Variants in CSMD1 observed in about 807,000 individuals in gnomAD.
CSMD1 encodes CUB and sushi domain-containing protein 1.
In CSMD1, 213 loss-of-function variants were observed where a neutral mutation model predicts 417.5. That is an observed-to-expected ratio of 0.51 (90% CI 0.46 to 0.57). CSMD1 has a LOEUF of 0.57. Among genes scored for constraint, CSMD1 ranks in the 20% least tolerant of loss-of-function variants. The probability of loss-of-function intolerance (pLI) is 0.00; values close to 1 mark genes in which losing one functional copy is unlikely to be tolerated. For missense variants in CSMD1, 6,923 were observed against 4,529.7 expected (o/e 1.53, Z -15.17); for synonymous variants, 2,862 against 1,736.8 (o/e 1.65, Z -16.11).
At chr8:3,685,830 C>T (rs919965208) in intron 7 of CSMD1, among the ~76,000 whole-genome samples, 2 of 152,020 alleles carry the variant, frequency 1.3e-5, no homozygotes, top group African/African-American at 2.4e-5. Context: ...TTGACACAGG[C>T]ATGCGACGTA....
At chr8:3,845,619 G>A (rs1401599515) in intron 5 of CSMD1, among the ~76,000 whole-genome samples, 3 of 152,126 alleles carry the variant, frequency 2.0e-5, no homozygotes. Flanking sequence ...TATAAATGCA[G>A]TGTACTTAGG....
In CSMD1 at chr8:4,358,853, T is replaced by C. The variant is rs548343315; in HGVS notation, c.415+61100A>G. Among the ~76,000 whole-genome samples, 9 of 152,178 alleles carry C rather than the reference T, an allele frequency of 5.9e-5. No homozygotes were observed. The East Asian group carries it at 1.7e-3, about 29-fold the overall frequency. ...CCTTGGTTTCAGTGCTCAAATAACT[T>C]TTAAACACGGTTTTACCAATAATCA... is the stretch of plus-strand genomic sequence containing the variant. On this transcript the variant is annotated intron_variant, in intron 3 of 69. Transcript: ENST00000635120.
At chr8:2,943,017 T>C (rs1801995500) in intron 68 of CSMD1, among the ~76,000 whole-genome samples, 1 of 152,206 alleles carries the variant, frequency 6.6e-6, no homozygotes, top group Non-Finnish European at 1.5e-5. Context: ...ATTGAAATTA[T>C]GTAAATATCC....
intron 4 of CSMD1, among the ~76,000 whole-genome samples, chr8:3,998,568 TG>T (rs1257101827): frequency 1.3e-5 from 2 of 152,214 alleles, no homozygotes; most frequent in African/African-American, 2.4e-5. Flanking sequence ...TCCATAAATT[TG>T]GGATTAATTT....
intron 3 of CSMD1, among the ~76,000 whole-genome samples, chr8:4,185,821 A>T (rs4083034): frequency 0.83 from 127,016 of 152,176 alleles, 53,210 homozygotes; most frequent in South Asian, 0.94. Context: ...AGAGTCAGAA[A>T]GTGCCCTGCA....
chr8:3,605,011 C>G (rs577673937), intron 8 of CSMD1, among the ~76,000 whole-genome samples: 2 of 152,062 alleles, frequency 1.3e-5, no homozygotes, highest in African/African-American at 4.8e-5. Flanking sequence ...GAAAGCAGTT[C>G]TTTTGTTTTT....
chr8:4,059,193 C>T (rs191404735), intron 3 of CSMD1, among the ~76,000 whole-genome samples: 28 of 152,274 alleles, frequency 1.8e-4, no homozygotes, highest in Admixed American at 5.2e-4. Flanking sequence ...TGAATGACTA[C>T]TGGGTACATA....
intron 4 of CSMD1, among the ~76,000 whole-genome samples, chr8:4,006,431 C>T (rs1474533589): frequency 6.6e-6 from 1 of 152,150 alleles, no homozygotes; most frequent in Non-Finnish European, 1.5e-5. Flanking sequence ...GTAATTCCAG[C>T]TTCTTGGGAG....
In CSMD1 at chr8:3,190,076, G is replaced by A; in HGVS notation, c.5234C>T (p.Pro1745Leu). 1.9e-6 allele frequency: 3 copies of A among 1,595,262 alleles called. No individual in the cohort carries two copies. Among genetic ancestry groups the A allele is most frequent in the Non-Finnish European group, 2.6e-6 (3 of 1,170,986 alleles). ...AATTCTCCTTCCGTATCTGGGCTCG[G>A]GGACAGAGCTGCATTGGGTGTCACT... ...RTSDTQCSSV[P>L]EPRYGRRIGS... The change falls in exon 34 of 70, where the codon CCC becomes CTC. Residue 1745 changes from proline to leucine, a missense_variant. Pro to Leu is a moderately conservative substitution (Grantham distance 98). Coordinates refer to ENST00000635120, the MANE Select transcript of CSMD1 (RefSeq NM_033225.6).
At position 2,981,312 on chromosome 8, in the gene CSMD1, C is replaced by G. The variant is rs1375006194; in HGVS notation, c.8378-2512G>C. On this transcript the variant is annotated intron_variant, in intron 54 of 69. Transcript: ENST00000635120. ...ATGTGAACAATTCCTATCCAGGGAT[C>G]TGATGGAAAGAGGCTTATGTGAGTG... 3.3e-5 allele frequency among the ~76,000 whole-genome samples: 5 copies of G among 152,172 alleles called. No homozygotes were observed. The East Asian group carries it at 9.6e-4, about 29-fold the overall frequency.
chr8:3,709,614 A>T (rs1801380814), intron 6 of CSMD1, among the ~76,000 whole-genome samples: 1 of 148,892 alleles, frequency 6.7e-6, no homozygotes, highest in South Asian at 2.1e-4. Context: ...ATAGAACAAA[A>T]GGCTGATCTG....
At chr8:3,463,943 A>G (rs555989423) in intron 12 of CSMD1, among the ~76,000 whole-genome samples, 1 of 152,214 alleles carries the variant, frequency 6.6e-6, no homozygotes, top group African/African-American at 2.4e-5. Flanking sequence ...ACAAATTTCC[A>G]TTCTCTTATT....
chr8:3,085,584 T>C (rs1201423607), intron 49 of CSMD1, among the ~76,000 whole-genome samples: 2 of 152,222 alleles, frequency 1.3e-5, no homozygotes, highest in East Asian at 1.9e-4. Flanking sequence ...GCTGTAAAGA[T>C]GTCAGAAGAG....
intron 1 of CSMD1, among the ~76,000 whole-genome samples, chr8:4,979,805 A>C (rs1473055329): frequency 6.6e-6 from 1 of 152,194 alleles, no homozygotes; most frequent in Non-Finnish European, 1.5e-5. Context: ...TGGGAGGCTG[A>C]AGCGGGTGGA....
chr8:3,503,250 C>G (rs1420730770), intron 10 of CSMD1, among the ~76,000 whole-genome samples: 2 of 152,162 alleles, frequency 1.3e-5, no homozygotes, highest in Non-Finnish European at 2.9e-5. Context: ...GATATCCTTG[C>G]TTTATCTGAG....
chr8:4,224,650 A>G (rs970030110), intron 3 of CSMD1, among the ~76,000 whole-genome samples: 2 of 152,168 alleles, frequency 1.3e-5, no homozygotes, highest in African/African-American at 2.4e-5. Flanking sequence ...GAAGAGGGAG[A>G]TAAGTGGATA....
At chr8:4,165,924 G>C (rs997570049) in intron 3 of CSMD1, among the ~76,000 whole-genome samples, 69 of 152,234 alleles carry the variant, frequency 4.5e-4, no homozygotes, top group African/African-American at 1.6e-3. Context: ...ATATATACTG[G>C]ATAAACTATC....
At chr8:4,306,327 C>A (rs1363584832) in intron 3 of CSMD1, among the ~76,000 whole-genome samples, 1 of 152,192 alleles carries the variant, frequency 6.6e-6, no homozygotes, top group South Asian at 2.1e-4. Flanking sequence ...ATCCTTCCAT[C>A]ATCACCATTT....
intron 59 of CSMD1, among the ~76,000 whole-genome samples, chr8:2,963,889 G>C (rs776641127): frequency 6.6e-6 from 1 of 152,156 alleles, no homozygotes; most frequent in Non-Finnish European, 1.5e-5. Context: ...ATGCCTGAAT[G>C]GTTAAAGAAG....
Sources: allele counts gnomAD v4.1 joint callset (sites outside exome capture counted in the v4.1 genomes callset), GRCh38; gene constraint gnomAD v4.1.1; transcripts MANE v1.5; gene names NCBI Gene and HGNC (gene_info 2026-07-23, HGNC 2026-07-21).